Variants in CUBN observed in about 807,000 individuals in gnomAD.
The protein encoded by CUBN is 460 kDa receptor.
Under a neutral mutation model 405.3 loss-of-function variants are expected in CUBN, and 282 were observed. The ratio of observed to expected loss-of-function variants is 0.70; its 90% CI spans 0.63 to 0.77. The LOEUF is 0.77. CUBN is among the 30% of genes least tolerant of loss of function. The pLI is 0.00. For missense variants in CUBN, 4,514 were observed against 4,475.2 expected (o/e 1.01, Z -0.25); for synonymous variants, 1,684 against 1,617.0 (o/e 1.04, Z -0.99).
rs1217734078 is a variant in CUBN at position 17,068,073 on chromosome 10, G to T, written c.2999C>A (p.Ser1000Tyr). 1 of 1,609,312 alleles carries T rather than the reference G, an allele frequency of 6.2e-7. No homozygotes were observed. Among genetic ancestry groups the T allele is most frequent in the African/African-American group, 1.3e-5 (1 of 74,858 alleles). The change falls in exon 21 of 67, where the codon TCC becomes TAC. Residue 1000 changes from serine to tyrosine, a missense_variant. Physicochemically the swap from Ser to Tyr is moderately radical, Grantham distance 144. Coordinates refer to ENST00000377833, the MANE Select transcript of CUBN (RefSeq NM_001081.4). ...LEVYDTDSET[S>Y]LGRYCGKSIP... ...ACAAACATAACCTTACCTTCCAAGG[G>T]ATGTCTCAGAGTCGGTGTCATAAAC...
chr10:17,107,902 C>T (rs890729716), intron 10 of CUBN, among the ~76,000 whole-genome samples: 9 of 152,036 alleles, frequency 5.9e-5, no homozygotes, highest in Admixed American at 2.0e-4. Flanking sequence ...CCTAGAAATG[C>T]ATTTTTTTAT....
intron 66 of CUBN, among the ~76,000 whole-genome samples, chr10:16,825,347 A>C (rs1160525514): frequency 6.6e-6 from 1 of 152,094 alleles, no homozygotes; most frequent in Non-Finnish European, 1.5e-5. Flanking sequence ...AAGTGTCCCA[A>C]AATTGGCTGT....
chr10:16,906,543 T>C (rs1019078488), intron 49 of CUBN, 134 bp from the exon 50 acceptor site: 1 of 733,180 alleles, frequency 1.4e-6, no homozygotes, highest in African/African-American at 1.7e-5. Flanking sequence ...CAGTCAAGCT[T>C]ATGGGTAAAA....
intron 28 of CUBN, among the ~76,000 whole-genome samples, chr10:17,012,864 A>G (rs1030551433): frequency 2.7e-4 from 41 of 152,326 alleles, no homozygotes; most frequent in Middle Eastern, 3.4e-3. Context: ...ATCACCTGGG[A>G]GGAACCATCT....
chr10:16,851,341 A>T lies in CUBN; in HGVS notation c.9557T>A (p.Val3186Glu). Residue 3186 changes from valine (V) to glutamate (E), a missense_variant, in exon 60 of 67, where the codon GTA becomes GAA. Around this residue, in one of 5 missense-constraint regions of CUBN, gnomAD observed 1,186 missense variants for 1,186.9 expected, o/e 1.00. Transcript: ENST00000377833. ...NGMYDKNLNC[V>E]WIIIAPVNKV... The stretch of plus-strand genomic sequence containing the variant: ...GTTTACAGGTGCAATTATGATCCAT[A>T]CACAGTTTAAATTCTTGTCATACAT... 6.2e-7 allele frequency: 1 copy of T among 1,614,114 alleles called. No homozygotes were observed. The highest frequency in any genetic ancestry group is 8.5e-7 in the Non-Finnish European group (1 of 1,179,990).
intron 27 of CUBN, among the ~76,000 whole-genome samples, chr10:17,036,615 G>C (rs1019187548): frequency 6.6e-6 from 1 of 152,092 alleles, no homozygotes; most frequent in Non-Finnish European, 1.5e-5. Flanking sequence ...GGGGCTGAAG[G>C]GAAAACGTTC....
intron 28 of CUBN, among the ~76,000 whole-genome samples, chr10:17,006,748 A>G (rs1044220691): frequency 5.9e-5 from 9 of 151,786 alleles, no homozygotes; most frequent in South Asian, 4.2e-4. Context: ...AGCCAGTCAT[A>G]AAAGATGTTG....
At chr10:16,885,923 C>T (rs375792561) in intron 56 of CUBN, among the ~76,000 whole-genome samples, 7 of 152,262 alleles carry the variant, frequency 4.6e-5, no homozygotes, top group Middle Eastern at 3.4e-3. Flanking sequence ...ATAAGCATCT[C>T]GAATAAATCT....
At chr10:16,944,114 C>A (rs979372154) in intron 36 of CUBN, among the ~76,000 whole-genome samples, 1 of 152,146 alleles carries the variant, frequency 6.6e-6, no homozygotes, top group African/African-American at 2.4e-5. Context: ...AAGCACTCTG[C>A]AAGTATAAAA....
In CUBN at chr10:17,093,836, C is replaced by T. The variant is rs74799546; in HGVS notation, c.1766-5491G>A. On this transcript the variant is annotated intron_variant, in intron 14 of 66. Transcript: ENST00000377833. ...ATAGTTGAAGAACATTTCAACAGTA[C>T]TTACAGACTTTCCAAAACAAAATAA... Among the ~76,000 whole-genome samples, 951 of 152,114 alleles carry T rather than the reference C, an allele frequency of 6.3e-3. 6 individuals are homozygous for T. Among genetic ancestry groups the T allele is most frequent in the African/African-American group, 0.021 (861 of 41,516 alleles).
intron 56 of CUBN, among the ~76,000 whole-genome samples, chr10:16,879,016 C>T (rs143502154): frequency 7.2e-5 from 11 of 152,348 alleles, no homozygotes; most frequent in Middle Eastern, 3.4e-3. Flanking sequence ...GATAATGCTG[C>T]TATGAACATT....
At chr10:17,016,261 T>C (rs906518306) in intron 28 of CUBN, among the ~76,000 whole-genome samples, 1 of 152,112 alleles carries the variant, frequency 6.6e-6, no homozygotes, top group Non-Finnish European at 1.5e-5. Flanking sequence ...TCCTTAGTCC[T>C]TCTAGAGCAC....
chr10:17,109,774 A>C (rs758810343), intron 9 of CUBN, 39 bp from the exon 10 acceptor site: 16 of 1,513,136 alleles, frequency 1.1e-5, no homozygotes, highest in Non-Finnish European at 1.4e-5. Context: ...AAACAATGTC[A>C]AGAAGATGGG....
chr10:17,096,314 T>G (rs1268145202), intron 14 of CUBN, among the ~76,000 whole-genome samples: 1 of 152,132 alleles, frequency 6.6e-6, no homozygotes, highest in African/African-American at 2.4e-5. Context: ...ATGGTAACTA[T>G]GTATGATAGA....
intron 27 of CUBN, among the ~76,000 whole-genome samples, chr10:17,040,116 G>A (rs757978712): frequency 1.3e-5 from 2 of 152,124 alleles, no homozygotes; most frequent in Non-Finnish European, 2.9e-5. Context: ...GGATGTTGAA[G>A]TCTTTGTAAG....
intron 27 of CUBN, among the ~76,000 whole-genome samples, chr10:17,025,985 C>T (rs1427661474): frequency 6.6e-6 from 1 of 152,094 alleles, no homozygotes; most frequent in Non-Finnish European, 1.5e-5. Context: ...GGATAGAGTC[C>T]ACTGGCAAGC....
At chr10:16,895,752 A>T (rs1344210675) in intron 54 of CUBN, among the ~76,000 whole-genome samples, 4 of 152,030 alleles carry the variant, frequency 2.6e-5, no homozygotes. Context: ...ATCCTTTTCC[A>T]TCCTTTTACT....
At chr10:17,071,390 A>T (rs1465533265) in intron 19 of CUBN, 36 bp downstream of exon 19, 1 of 1,600,968 alleles carries the variant, frequency 6.2e-7, no homozygotes, top group African/African-American at 1.3e-5. Context: ...TATAATATAC[A>T]ACCAAATACA....
intron 9 of CUBN, 65 bp downstream of exon 9, chr10:17,110,854 C>G (rs1227756327): frequency 2.5e-6 from 4 of 1,608,280 alleles, no homozygotes; most frequent in South Asian, 1.1e-5. Context: ...GCACTAGATT[C>G]CGTATTCCTA....
Sources: allele counts gnomAD v4.1 joint callset (sites outside exome capture counted in the v4.1 genomes callset), GRCh38; gene constraint gnomAD v4.1.1; regional missense constraint gnomAD v4.1.1; transcripts MANE v1.5; gene names NCBI Gene and HGNC (gene_info 2026-07-23, HGNC 2026-07-21).